The following ZNF653 variants were observed in gnomAD, a reference collection of about 807,000 sequenced individuals.
The protein encoded by ZNF653 is 67 kDa zinc finger protein.
In ZNF653, 37 loss-of-function variants were observed where a neutral mutation model predicts 59.9. The ratio of observed to expected loss-of-function variants is 0.62; its 90% confidence interval spans 0.48 to 0.81. The LOEUF is 0.81. Ranked by LOEUF, ZNF653 falls within the 40% of genes least tolerant of loss-of-function variation. ZNF653 has a pLI of 0.00. For missense variants in ZNF653, 808 were observed against 881.1 expected (o/e 0.92, Z 1.05); for synonymous variants, 435 against 371.8 (o/e 1.17, Z -1.96).
Position 11,495,954 on chromosome 19 carries a change from G to C in ZNF653, c.555C>G (p.Asp185Glu), listed in dbSNP as rs1971582453. ...GCCCTCGCCCTGCAGACCTACCTTTGTCACTGTCAGGGTCTGAGTCGCTGA... is the reference window on the plus strand; with the variant it reads ...GCCCTCGCCCTGCAGACCTACCTTTCTCACTGTCAGGGTCTGAGTCGCTGA... ...KPLSDSDPDS[D>E]KVGNGLVAGS... The change falls in exon 3 of 9, where the codon GAC becomes GAG. Residue 185 changes from aspartate to glutamate, a missense_variant. By Grantham distance (45) the Asp-to-Glu change is conservative (BLOSUM62 2). Coordinates refer to ENST00000293771, the MANE Select transcript of ZNF653 (RefSeq NM_138783.4). The surrounding 1 kb of genome is among the most constrained non-coding windows in gnomAD (Gnocchi z 4.9). 6 of 1,613,848 alleles carry C rather than the reference G, an allele frequency of 3.7e-6. No homozygotes were observed. The highest frequency in any genetic ancestry group is 5.1e-6 in the Non-Finnish European group (6 of 1,179,976).
At chr19:11,485,885 G>A (rs559092675) in intron 6 of ZNF653, 115 bp from the exon 7 acceptor site, 1 of 762,510 alleles carries the variant, frequency 1.3e-6, no homozygotes, top group East Asian at 2.5e-5. Flanking sequence ...CCAGGAGGAG[G>A]GAAGAGGGGT....
rs543572086 is a variant in ZNF653 at position 11,488,876 on chromosome 19, A to G, written c.560-973T>C. Reference sequence around the variant, plus strand: ...CTCCGAAAGTGCTGGGATTACAGGCATGAGCCACCGCATCCGGCCTGAGTT... The same window carrying G: ...CTCCGAAAGTGCTGGGATTACAGGCGTGAGCCACCGCATCCGGCCTGAGTT... On this transcript the variant is annotated intron_variant, in intron 3 of 8. Transcript: ENST00000293771. 3.3e-3 allele frequency among the ~76,000 whole-genome samples: 497 copies of G among 150,690 alleles called. 4 individuals carry two copies. The highest frequency in any genetic ancestry group is 0.012 in the African/African-American group (481 of 41,022).
intron 1 of ZNF653, 199 bp downstream of exon 1, chr19:11,505,289 G>A: frequency 3.7e-6 from 2 of 537,514 alleles, no homozygotes; most frequent in Non-Finnish European, 6.2e-6. Flanking sequence ...CTAGGATTGG[G>A]CAGTCGGAAC....
At chr19:11,503,777 G>C (rs1312495972) in intron 1 of ZNF653, among the ~76,000 whole-genome samples, 1 of 152,012 alleles carries the variant, frequency 6.6e-6, no homozygotes. Context: ...CTGTACTCTG[G>C]CCTGGGTGAC....
rs927134189 is a variant in ZNF653 at position 11,495,122 on chromosome 19, C to T, written c.559+828G>A. On this transcript the variant is annotated intron_variant, in intron 3 of 8. Transcript: ENST00000293771. The surrounding 1 kb of genome is among the most constrained non-coding windows in gnomAD (Gnocchi z 4.9). ...CCAGCGCAGGCTCAGCCCTGGTGAC[C>T]GCCCCACCCTCAGCCCTGACAGGAC... Among the ~76,000 whole-genome samples the T allele has an allele frequency of 4.8e-4, 73 of 152,152 alleles. No homozygotes were observed. Among genetic ancestry groups the T allele is most frequent in the African/African-American group, 1.6e-3 (66 of 41,452 alleles).
At chr19:11,501,337 C>G (rs1971642501) in intron 1 of ZNF653, among the ~76,000 whole-genome samples, 1 of 152,046 alleles carries the variant, frequency 6.6e-6, no homozygotes. Flanking sequence ...CACCACCACA[C>G]CCGGCTAACT....
chr19:11,485,314 C>T (rs1427153114), intron 7 of ZNF653, among the ~76,000 whole-genome samples: 3 of 151,976 alleles, frequency 2.0e-5, no homozygotes, highest in African/African-American at 4.8e-5. Flanking sequence ...TAGCCTGTGG[C>T]CCCAGGTGCT....
intron 1 of ZNF653, chr19:11,505,241 C>CCCGCTAG (rs1203045562): frequency 6.8e-5 from 30 of 440,410 alleles, no homozygotes; most frequent in Admixed American, 4.1e-4. Flanking sequence ...CGGGCGGGGC[C>CCCGCTAG]AAGCGCTCAG....
rs1424849662 is a variant in ZNF653 at position 11,505,701 on chromosome 19, G to A, written c.86C>T (p.Ala29Val). 6.7e-7 allele frequency: 1 copy of A among 1,484,840 alleles called. No homozygotes were observed. Among genetic ancestry groups the A allele is most frequent in the South Asian group, 1.3e-5 (1 of 78,400 alleles). The allele number at this position is 1,484,840 out of a possible 1,614,324, so 92.0% of individuals were successfully genotyped here. Residue 29 changes from alanine to valine, a missense_variant, in exon 1 of 9, where the codon GCG (alanine) becomes GTG (valine). Transcript: ENST00000293771. ...CGGCCGGCCCCGCGCCTTTCGGCCC[G>A]CTGCGCCCTCCTCGGCTGCTGCCTC... ...GGEAAAEEGA[A>V]GRKARGRPRL...
At chr19:11,500,735 C>T (rs1971635924) in intron 1 of ZNF653, 1 of 152,168 alleles carries the variant, frequency 6.6e-6, no homozygotes. Context: ...TCAGCCAGAC[C>T]CAAGTTCAAG....
intron 1 of ZNF653, 165 bp downstream of exon 1, chr19:11,505,323 A>C: frequency 1.5e-6 from 1 of 664,794 alleles, no homozygotes. Flanking sequence ...GCCACGAGCC[A>C]GGCGCGTCCC....
At chr19:11,494,010 C>G (rs952703238) in intron 3 of ZNF653, among the ~76,000 whole-genome samples, 2 of 148,468 alleles carry the variant, frequency 1.3e-5, no homozygotes, top group African/African-American at 5.0e-5. Flanking sequence ...CCGTGAGACC[C>G]TGTCTTAAAA....
chr19:11,495,827 C>A lies in ZNF653; in HGVS notation c.559+123G>T. 7 of 1,032,044 alleles carry A rather than the reference C, an allele frequency of 6.8e-6. No homozygotes were observed. The South Asian group carries it at 9.3e-5, about 14-fold the overall frequency. 63.9% of individuals were successfully genotyped at this position (1,032,044 alleles called of 1,614,324 possible). A position where few individuals can be genotyped will look rare whatever the true frequency, so the allele number is the denominator to read the frequency against. ...TGGCCCATCGTGTCCCTGCTCTGCC[C>A]CAGTGCCAGAGCCAGAGCCAGAGCC... is the stretch of plus-strand genomic sequence containing the variant. On this transcript the variant is annotated intron_variant, in intron 3 of 8. Transcript: ENST00000293771. The surrounding 1 kb of genome is among the most constrained non-coding windows in gnomAD (Gnocchi z 4.9).
intron 1 of ZNF653, among the ~76,000 whole-genome samples, chr19:11,502,797 G>A (rs560037647): frequency 6.6e-6 from 1 of 152,340 alleles, no homozygotes; most frequent in South Asian, 2.1e-4. Context: ...ACTTTGGGAG[G>A]CCGAGGCAGG....
At chr19:11,505,401 G>C in intron 1 of ZNF653, 87 bp downstream of exon 1, 1 of 1,299,476 alleles carries the variant, frequency 7.7e-7, no homozygotes, top group Non-Finnish European at 9.9e-7. Flanking sequence ...GCCGGGGGCT[G>C]GCCCTAGAAG....
At chr19:11,486,956 C>T (rs759374168) in intron 5 of ZNF653, 31 bp downstream of exon 5, 25 of 1,611,544 alleles carry the variant, frequency 1.6e-5, no homozygotes, top group East Asian at 2.2e-5. Context: ...TTCTAGCCCT[C>T]GCCCTCACCC....
At chr19:11,484,710 A>C (rs565294501) in intron 7 of ZNF653, among the ~76,000 whole-genome samples, 1 of 152,122 alleles carries the variant, frequency 6.6e-6, no homozygotes, top group African/African-American at 2.4e-5. Flanking sequence ...CTTGTCCCTG[A>C]TATTTGAACT....
rs202000188 is a variant in ZNF653, at chr19:11,487,657, C to A, written c.806G>T (p.Gly269Val). ...CACCACTGTCTCCAGGGCTTCAGGC[C>A]CATTGCCTGCTGGGTTGGAGCACAG... ...TPLCSNPAGN[G>V]PEALETVVCV... The change falls in exon 4 of 9, where the codon GGG becomes GTG. Residue 269 changes from glycine (G) to valine (V), a missense_variant. Gly to Val is a moderately radical substitution (Grantham distance 109, BLOSUM62 -3). Transcript: ENST00000293771. The surrounding 1 kb of genome is among the most constrained non-coding windows in gnomAD (Gnocchi z 5.1). 2.5e-6 allele frequency: 4 copies of A among 1,613,762 alleles called. No individual in the cohort carries two copies. Among genetic ancestry groups the A allele is most frequent in the African/African-American group, 2.7e-5 (2 of 74,948 alleles).
intron 1 of ZNF653, among the ~76,000 whole-genome samples, chr19:11,500,242 G>A (rs1478879055): frequency 2.0e-5 from 3 of 152,110 alleles, no homozygotes; most frequent in Non-Finnish European, 2.9e-5. Flanking sequence ...CTCTGCCCCT[G>A]CCTCTGGCTC....
Sources: gnomAD v4.1 joint callset for allele counts (sites outside exome capture counted in the v4.1 genomes callset) on GRCh38, gnomAD v4.1.1 for gene constraint, Gnocchi (gnomAD v3.1) non-coding constraint, MANE v1.5 for transcripts, NCBI Gene and HGNC (gene_info 2026-07-23, HGNC 2026-07-21) for gene names.